RAPH1: variants seen among roughly 807,000 people sequenced by gnomAD.
RAPH1 encodes the protein Ras association (RalGDS/AF-6) and pleckstrin homology domains 1.
RAPH1 carries 18 observed loss-of-function variants against 88.1 expected under a neutral mutation model. That is an observed-to-expected ratio of 0.20 (90% CI 0.14 to 0.30). The LOEUF is 0.30. RAPH1 is among the 10% of genes least tolerant of loss of function. RAPH1 has a pLI of 1.00. For synonymous variants in RAPH1, 587 were observed against 559.0 expected (o/e 1.05, Z -0.71); for missense variants, 1,448 against 1,543.2 (o/e 0.94, Z 1.03).
At chr2:203,505,869 TCCA>T (rs1463270946) in intron 1 of RAPH1, among the ~76,000 whole-genome samples, 4 of 152,188 alleles carry the variant, frequency 2.6e-5, no homozygotes, top group African/African-American at 9.7e-5. Flanking sequence ...ACACGGCTGC[TCCA>T]CACTTCAGAC....
At chr2:203,441,594 T>C in intron 13 of RAPH1, 181 bp from the exon 14 acceptor site, 1 of 1,351,324 alleles carries the variant, frequency 7.4e-7, no homozygotes, top group Non-Finnish European at 9.4e-7. Flanking sequence ...AATCTGATTG[T>C]GCGGGCAAGA....
At chr2:203,500,312 C>A (rs548209893) in intron 1 of RAPH1, among the ~76,000 whole-genome samples, 1 of 152,138 alleles carries the variant, frequency 6.6e-6, no homozygotes, top group South Asian at 2.1e-4. Flanking sequence ...GTGTTTTAGG[C>A]AGAGGAACCA....
intron 7 of RAPH1, among the ~76,000 whole-genome samples, 180 bp from the exon 8 acceptor site, chr2:203,457,775 A>G (rs1351644922): frequency 6.6e-6 from 1 of 152,216 alleles, no homozygotes; most frequent in African/African-American, 2.4e-5. Context: ...GTGTATGGGC[A>G]TCATCACTAA....
At position 203,439,037 on chromosome 2, in the gene RAPH1, C is replaced by A; in HGVS notation, c.*400G>T. On this transcript the variant is annotated 3_prime_UTR_variant, in exon 14 of 14. Transcript: ENST00000319170. ...ACACAACATGCACGAATAGGCTACA[C>A]ATGGACAGACACTTATAAATACCTT... 5.7e-6 allele frequency: 1 copy of A among 176,978 alleles called. No individual in the cohort carries two copies. The allele number at this position is 176,978 out of a possible 1,614,324, so 11.0% of individuals were successfully genotyped here. A position where few individuals can be genotyped will look rare whatever the true frequency, so the allele number is the denominator to read the frequency against.
chr2:203,492,485 C>CT (rs1262758837), intron 2 of RAPH1, among the ~76,000 whole-genome samples: 2 of 152,192 alleles, frequency 1.3e-5, no homozygotes, highest in Non-Finnish European at 2.9e-5. Context: ...TGCAACCCAG[C>CT]TACACTGCCT....
At chr2:203,464,882 G>A (rs1031477847) in intron 4 of RAPH1, among the ~76,000 whole-genome samples, 1 of 152,048 alleles carries the variant, frequency 6.6e-6, no homozygotes, top group East Asian at 1.9e-4. Flanking sequence ...TAGTAAATAA[G>A]CATATAAAAA....
chr2:203,479,360 T>A (rs950722673), intron 4 of RAPH1, among the ~76,000 whole-genome samples: 1 of 152,214 alleles, frequency 6.6e-6, no homozygotes, highest in Non-Finnish European at 1.5e-5. Context: ...TCCCAGCCCT[T>A]TGGGAGGCTG....
intron 4 of RAPH1, among the ~76,000 whole-genome samples, chr2:203,486,495 C>T (rs1019522401): frequency 1.3e-5 from 2 of 152,116 alleles, no homozygotes; most frequent in South Asian, 2.1e-4. Flanking sequence ...TAATACATAC[C>T]ACTAAAAAGA....
intron 4 of RAPH1, among the ~76,000 whole-genome samples, chr2:203,468,610 A>G (rs2098530527): frequency 1.3e-5 from 2 of 151,870 alleles, no homozygotes; most frequent in East Asian, 3.8e-4. Context: ...ACTGTTTATT[A>G]TCTATCTTCA....
intron 4 of RAPH1, among the ~76,000 whole-genome samples, chr2:203,484,525 T>C (rs962436915): frequency 1.3e-5 from 2 of 152,162 alleles, no homozygotes; most frequent in African/African-American, 2.4e-5. Flanking sequence ...TTGTGAAGCA[T>C]TGTTTTACAG....
rs1478600572 is a variant in RAPH1 at position 203,441,040 on chromosome 2, G to A, written c.2150C>T (p.Pro717Leu). The change falls in exon 14 of 14, where the codon CCA (proline) becomes CTA (leucine). Residue 717 changes from proline to leucine, a missense_variant. Pro to Leu is a moderately conservative substitution (Grantham distance 98). Around this residue, in one of 2 missense-constraint regions of RAPH1, gnomAD observed 935 missense variants for 890.1 expected, o/e 1.05. Coordinates refer to ENST00000319170, the MANE Select transcript of RAPH1 (RefSeq NM_213589.3). ...GVVPPPPPPP[P>L]PPTPGSAMAQ... ...CATGGCAGAGCCTGGGGTTGGGGGT[G>A]GAGGAGGGGGAGGGGGTGGTGGAAC... The A allele has an allele frequency of 1.5e-6, 2 of 1,314,934 alleles. No individual in the cohort carries two copies. Among genetic ancestry groups the A allele is most frequent in the Non-Finnish European group, 2.1e-6 (2 of 974,724 alleles). 81.5% of individuals were successfully genotyped at this position (1,314,934 alleles called of 1,614,324 possible).
chr2:203,510,784 C>G lies in RAPH1; in HGVS notation c.1-15431G>C, dbSNP rs567432181. Among the ~76,000 whole-genome samples, 6 of 152,162 alleles carry G rather than the reference C, an allele frequency of 3.9e-5. No individual in the cohort carries two copies. In the South Asian group the frequency reaches 1.0e-3, roughly 26 times the overall value. On this transcript the variant is annotated intron_variant, in intron 1 of 13. Transcript: ENST00000319170. ...ATGACCTTGTGAATGTAATAAAACT[C>G]ACTGAGTGTACACTTTAAAAGAGTA...
intron 13 of RAPH1, 118 bp from the exon 14 acceptor site, chr2:203,441,531 A>G: frequency 1.4e-6 from 2 of 1,401,432 alleles, no homozygotes; most frequent in South Asian, 1.7e-5. Context: ...ATGCATGAAA[A>G]GGATGCAGAA....
At chr2:203,532,611 G>A (rs978646566) in intron 1 of RAPH1, among the ~76,000 whole-genome samples, 9 of 152,140 alleles carry the variant, frequency 5.9e-5, no homozygotes, top group African/African-American at 1.2e-4. Context: ...GGGTTATGGC[G>A]AGAATTAAAT....
chr2:203,481,286 G>T (rs1281462708), intron 4 of RAPH1, among the ~76,000 whole-genome samples: 1 of 151,918 alleles, frequency 6.6e-6, no homozygotes, highest in Non-Finnish European at 1.5e-5. Flanking sequence ...AGTATGTTTG[G>T]GTTCAAACCC....
intron 1 of RAPH1, among the ~76,000 whole-genome samples, chr2:203,533,674 C>G (rs1471922219): frequency 6.6e-6 from 1 of 152,156 alleles, no homozygotes; most frequent in East Asian, 1.9e-4. Flanking sequence ...CTATTCTATA[C>G]CTCAACATTT....
At chr2:203,513,281 C>T (rs915578400) in intron 1 of RAPH1, among the ~76,000 whole-genome samples, 45 of 150,472 alleles carry the variant, frequency 3.0e-4, no homozygotes, top group Non-Finnish European at 6.1e-4. Context: ...CTATTTTTGT[C>T]TGAATTTCTA....
At chr2:203,526,671 G>A (rs1690132804) in intron 1 of RAPH1, among the ~76,000 whole-genome samples, 1 of 128,284 alleles carries the variant, frequency 7.8e-6, no homozygotes, top group Admixed American at 9.1e-5. Flanking sequence ...GTTGCAGTGA[G>A]CCTACTGCAG....
intron 4 of RAPH1, among the ~76,000 whole-genome samples, chr2:203,482,237 G>GCC (rs1687762951): frequency 1.3e-5 from 2 of 152,056 alleles, no homozygotes; most frequent in Non-Finnish European, 2.9e-5. Context: ...CCAGGCTGGA[G>GCC]TACAGTGGCA....
Sources: gnomAD v4.1 joint callset for allele counts (sites outside exome capture counted in the v4.1 genomes callset) on GRCh38, gnomAD v4.1.1 for gene constraint, gnomAD v4.1.1 regional missense constraint, MANE v1.5 for transcripts, NCBI Gene and HGNC (gene_info 2026-07-23, HGNC 2026-07-21) for gene names.